CRB1: variants seen among roughly 807,000 people sequenced by gnomAD.
CRB1 encodes crumbs cell polarity complex component 1.
CRB1 carries 83 observed loss-of-function variants against 120.0 expected under a neutral mutation model. The ratio of observed to expected loss-of-function variants is 0.69; its 90% CI spans 0.58 to 0.83. CRB1 has a LOEUF of 0.83. CRB1 is among the 40% of genes least tolerant of loss of function. CRB1 has a pLI of 0.00. For missense variants in CRB1, 1,699 were observed against 1,687.6 expected, an observed-to-expected ratio of 1.01 and a Z score of -0.12; for synonymous variants, 625 against 612.5, an observed-to-expected ratio of 1.02 and a Z score of -0.30.
chr1:197,466,666 G>A (rs1226165484), intron 11 of CRB1, among the ~76,000 whole-genome samples: 1 of 152,072 alleles, frequency 6.6e-6, no homozygotes, highest in Non-Finnish European at 1.5e-5. Flanking sequence ...TGATTTGGGG[G>A]CAATAAATAT....
chr1:197,355,402 T>C (rs1163386346), intron 4 of CRB1, among the ~76,000 whole-genome samples: 1 of 152,198 alleles, frequency 6.6e-6, no homozygotes, highest in Non-Finnish European at 1.5e-5. Flanking sequence ...CTGGCACTCC[T>C]CAGCCCTTGG....
the CRB1 span, among the ~76,000 whole-genome samples, chr1:197,201,508 T>G: frequency 1.3e-5 from 2 of 152,056 alleles, no homozygotes; most frequent in Admixed American, 1.3e-4. Context: ...TTCCCCGTAC[T>G]CCCTCGGAGA....
intron 2 of CRB1, among the ~76,000 whole-genome samples, chr1:197,329,856 C>G (rs966142311): frequency 6.6e-6 from 1 of 152,192 alleles, no homozygotes; most frequent in Non-Finnish European, 1.5e-5. Flanking sequence ...TGACTCATAT[C>G]TCTAAGACAC....
intron 11 of CRB1, among the ~76,000 whole-genome samples, chr1:197,453,814 G>A (rs28594101): frequency 0.93 from 131,924 of 141,654 alleles, 62,220 homozygotes; most frequent in East Asian, 1. Flanking sequence ...ATAATATATT[G>A]TTAATTATTA....
chr1:197,216,056 A>G, the CRB1 span, among the ~76,000 whole-genome samples: 313 of 152,332 alleles, frequency 2.1e-3, 1 homozygote, highest in Non-Finnish European at 4.0e-3. Context: ...CTTAAACTTA[A>G]CAGCATGCTC....
intron 1 of CRB1, among the ~76,000 whole-genome samples, chr1:197,313,137 A>G (rs2125276206): frequency 6.6e-6 from 1 of 152,318 alleles, no homozygotes; most frequent in South Asian, 2.1e-4. Flanking sequence ...AGCAGGGGAA[A>G]GAGAATGTGT....
At chr1:197,220,246 A>C in the CRB1 span, among the ~76,000 whole-genome samples, 1 of 152,234 alleles carries the variant, frequency 6.6e-6, no homozygotes, top group Non-Finnish European at 1.5e-5. Flanking sequence ...TTGGATAAAG[A>C]GTTTAGGAAA....
At position 197,364,123 on chromosome 1, in the gene CRB1, G is replaced by A. The variant is rs1660936940; in HGVS notation, c.1171+7110G>A. ...GTGGGCTGCTGAGGCTTGTGGATGG[G>A]ACACCCAGTATGAAACCCTCATCCA... On this transcript the variant is annotated intron_variant, in intron 5 of 11. Transcript: ENST00000367400. 4 of 851,728 alleles carry A rather than the reference G, an allele frequency of 4.7e-6. No homozygotes were observed. In the South Asian group the frequency reaches 9.2e-5, roughly 20 times the overall value. The allele number at this position is 851,728 out of a possible 1,614,324, so 52.8% of individuals were successfully genotyped here.
the CRB1 span, among the ~76,000 whole-genome samples, chr1:197,212,145 T>C: frequency 2.6e-4 from 39 of 152,268 alleles, 2 homozygotes; most frequent in East Asian, 5.6e-3. Flanking sequence ...TATGAGGACA[T>C]AGATAAACTG....
chr1:197,318,638 A>T (rs1178972634), intron 1 of CRB1, among the ~76,000 whole-genome samples: 2 of 152,206 alleles, frequency 1.3e-5, no homozygotes, highest in Admixed American at 1.3e-4. Context: ...AAAAAGTACT[A>T]TCACAAGGGA....
intron 4 of CRB1, among the ~76,000 whole-genome samples, chr1:197,354,314 C>T (rs1410511318): frequency 1.3e-5 from 2 of 152,138 alleles, no homozygotes; most frequent in South Asian, 4.1e-4. Context: ...AAACTCAAAA[C>T]GCTTACACAG....
At chr1:197,309,851 A>G (rs1657412570) in intron 1 of CRB1, among the ~76,000 whole-genome samples, 1 of 152,140 alleles carries the variant, frequency 6.6e-6, no homozygotes, top group African/African-American at 2.4e-5. Context: ...AGAACTGGGT[A>G]TGTTATTTAT....
intron 11 of CRB1, among the ~76,000 whole-genome samples, chr1:197,460,156 T>G (rs1390995541): frequency 6.6e-6 from 1 of 151,918 alleles, no homozygotes; most frequent in Admixed American, 6.6e-5. Context: ...TATGATCAGA[T>G]TAAGTCTTCT....
At chr1:197,443,863 A>C (rs1375762223) in intron 11 of CRB1, 1 of 152,154 alleles carries the variant, frequency 6.6e-6, no homozygotes, top group Non-Finnish European at 1.5e-5. Flanking sequence ...ATTTATGCTA[A>C]ATATCTTTGT....
the CRB1 span, among the ~76,000 whole-genome samples, chr1:197,219,626 A>G: frequency 3.9e-5 from 6 of 152,244 alleles, no homozygotes; most frequent in Non-Finnish European, 8.8e-5. Flanking sequence ...TACGCAGAGG[A>G]GTAAGATTTC....
intron 6 of CRB1, among the ~76,000 whole-genome samples, chr1:197,422,175 G>A (rs1302444811): frequency 2.0e-5 from 3 of 152,046 alleles, no homozygotes; most frequent in African/African-American, 4.8e-5. Flanking sequence ...CTCATACAGA[G>A]AAGTAAAAAA....
chr1:197,207,869 G>T, the CRB1 span, among the ~76,000 whole-genome samples: 1 of 151,766 alleles, frequency 6.6e-6, no homozygotes, highest in Non-Finnish European at 1.5e-5. Flanking sequence ...CCTAGGTTTG[G>T]TCATTTAACA....
intron 2 of CRB1, among the ~76,000 whole-genome samples, chr1:197,331,112 C>T (rs1486721355): frequency 2.0e-5 from 3 of 151,772 alleles, no homozygotes; most frequent in Non-Finnish European, 4.4e-5. Context: ...GAGCCGAGAT[C>T]GCGCCACTGC....
chr1:197,433,272 T>A (rs1490040516), intron 8 of CRB1, among the ~76,000 whole-genome samples: 1 of 152,066 alleles, frequency 6.6e-6, no homozygotes, highest in Admixed American at 6.6e-5. Context: ...AAGGAGTGGT[T>A]GTTATATTGA....
Sources: gnomAD v4.1 joint callset for allele counts (sites outside exome capture counted in the v4.1 genomes callset) on GRCh38, gnomAD v4.1.1 for gene constraint, MANE v1.5 for transcripts, NCBI Gene and HGNC (gene_info 2026-07-23, HGNC 2026-07-21) for gene names.